The following SPIDR variants were observed in gnomAD, a reference collection of about 807,000 sequenced individuals.
SPIDR encodes the protein scaffold protein involved in DNA repair, also known as DNA repair-scaffolding protein.
A neutral mutation model predicts 104.6 loss-of-function variants in SPIDR; 93 were observed. That is an observed-to-expected ratio of 0.89 (90% confidence interval 0.75 to 1.06). The LOEUF (loss-of-function observed/expected upper bound fraction) is 1.06. SPIDR is among the 50% of genes least tolerant of loss of function. SPIDR has a pLI of 0.00. For missense variants in SPIDR, 1,154 were observed against 1,111.2 expected, an observed-to-expected ratio of 1.04 and a Z score of -0.55; for synonymous variants, 431 against 416.9, an observed-to-expected ratio of 1.03 and a Z score of -0.41.
intron 8 of SPIDR, among the ~76,000 whole-genome samples, chr8:47,485,238 C>T (rs1393449753): frequency 6.6e-6 from 1 of 152,136 alleles, no homozygotes; most frequent in African/African-American, 2.4e-5. Context: ...GCGCACGGAG[C>T]CTCGCTCATT....
intron 10 of SPIDR, among the ~76,000 whole-genome samples, chr8:47,644,272 TTAGG>T (rs1455087347): frequency 1.3e-5 from 2 of 152,136 alleles, no homozygotes; most frequent in African/African-American, 4.8e-5. Context: ...GCAGGAAGGG[TTAGG>T]TAGGACAGCC....
intron 1 of SPIDR, among the ~76,000 whole-genome samples, chr8:47,278,224 A>G (rs1165244845): frequency 6.6e-6 from 1 of 151,646 alleles, no homozygotes; most frequent in Admixed American, 6.6e-5. Flanking sequence ...CAGTGGCACA[A>G]TCAGTGATGC....
intron 10 of SPIDR, among the ~76,000 whole-genome samples, chr8:47,621,414 C>G (rs1309443524): frequency 6.6e-6 from 1 of 152,202 alleles, no homozygotes; most frequent in African/African-American, 2.4e-5. Flanking sequence ...TAGTCTCACC[C>G]TGCCTTGGCT....
At chr8:47,317,508 T>C (rs1044162501) in intron 5 of SPIDR, among the ~76,000 whole-genome samples, 1 of 152,066 alleles carries the variant, frequency 6.6e-6, no homozygotes, top group Non-Finnish European at 1.5e-5. Context: ...CCTGCCTCTG[T>C]AGACTCCACC....
chr8:47,546,961 T>G (rs536418955), intron 8 of SPIDR: 1 of 493,984 alleles, frequency 2.0e-6, no homozygotes. Flanking sequence ...TTGGCATCTT[T>G]CACGTGAACC....
chr8:47,466,727 C>A (rs2074846852), intron 8 of SPIDR, among the ~76,000 whole-genome samples: 1 of 148,492 alleles, frequency 6.7e-6, no homozygotes, highest in Non-Finnish European at 1.5e-5. Context: ...AAGTTAGATT[C>A]CAATTTAACA....
intron 8 of SPIDR, among the ~76,000 whole-genome samples, chr8:47,559,569 G>C (rs566815084): frequency 6.6e-6 from 1 of 152,292 alleles, no homozygotes; most frequent in African/African-American, 2.4e-5. Context: ...GTCTTTGTAG[G>C]GGTGATCCTG....
At chr8:47,559,060 T>C (rs919657049) in intron 8 of SPIDR, among the ~76,000 whole-genome samples, 2 of 152,202 alleles carry the variant, frequency 1.3e-5, no homozygotes, top group Admixed American at 1.3e-4. Context: ...TTAACATCCT[T>C]TGTGGTTGCT....
At chr8:47,442,603 A>G (rs781874153) in intron 8 of SPIDR, among the ~76,000 whole-genome samples, 4 of 152,234 alleles carry the variant, frequency 2.6e-5, no homozygotes, top group African/African-American at 4.8e-5. Flanking sequence ...CTCCTTCAGA[A>G]ATCTGTCCTC....
At chr8:47,278,113 T>TTA (rs1289331233) in intron 1 of SPIDR, among the ~76,000 whole-genome samples, 1 of 151,138 alleles carries the variant, frequency 6.6e-6, no homozygotes, top group Non-Finnish European at 1.5e-5. Context: ...TTTTTTTTTT[T>TTA]ATTAATAGCC....
chr8:47,355,202 C>T (rs2054285559), intron 5 of SPIDR, among the ~76,000 whole-genome samples: 1 of 150,860 alleles, frequency 6.6e-6, no homozygotes, highest in Non-Finnish European at 1.5e-5. Flanking sequence ...GTGGTCCACC[C>T]ACCTTGGCCT....
At chr8:47,549,818 T>G (rs959193630) in intron 8 of SPIDR, among the ~76,000 whole-genome samples, 6 of 152,224 alleles carry the variant, frequency 3.9e-5, no homozygotes, top group African/African-American at 1.2e-4. Flanking sequence ...GCTTTGGGTG[T>G]TTTAGTCATG....
intron 9 of SPIDR, among the ~76,000 whole-genome samples, chr8:47,596,921 A>T (rs2061686153): frequency 6.6e-6 from 1 of 152,168 alleles, no homozygotes; most frequent in South Asian, 2.1e-4. Context: ...GGTCAGGGCC[A>T]TCAATATCAC....
intron 8 of SPIDR, among the ~76,000 whole-genome samples, chr8:47,595,164 A>G (rs2061504167): frequency 6.6e-6 from 1 of 152,138 alleles, no homozygotes; most frequent in South Asian, 2.1e-4. Context: ...GTACTTAATT[A>G]GAGGAATAGG....
intron 16 of SPIDR, among the ~76,000 whole-genome samples, chr8:47,724,691 C>G (rs928015660): frequency 1.3e-5 from 2 of 152,148 alleles, no homozygotes; most frequent in Non-Finnish European, 2.9e-5. Context: ...TTAAAAGGAC[C>G]CTGAATATAT....
intron 5 of SPIDR, among the ~76,000 whole-genome samples, chr8:47,370,439 A>ATTTTTT (rs34220804): frequency 8.1e-5 from 8 of 99,076 alleles, no homozygotes; most frequent in East Asian, 3.0e-4. Flanking sequence ...AGAGGTCAAG[A>ATTTTTT]TTTTTTTTTT....
At chr8:47,512,737 G>C (rs1348969134) in intron 8 of SPIDR, among the ~76,000 whole-genome samples, 1 of 152,212 alleles carries the variant, frequency 6.6e-6, no homozygotes, top group Admixed American at 6.5e-5. Context: ...GAAAAAAAGA[G>C]AGGAGGAAAA....
intron 5 of SPIDR, among the ~76,000 whole-genome samples, chr8:47,320,422 C>G (rs1429756757): frequency 6.6e-6 from 1 of 152,166 alleles, no homozygotes; most frequent in Non-Finnish European, 1.5e-5. Context: ...TCTGAACGGA[C>G]CAATAACAGG....
chr8:47,668,044 A>T (rs2075234761), intron 10 of SPIDR, among the ~76,000 whole-genome samples: 1 of 152,218 alleles, frequency 6.6e-6, no homozygotes, highest in African/African-American at 2.4e-5. Context: ...ATCATTAGAG[A>T]TGTTGAGCTG....
Sources: gnomAD v4.1 joint callset for allele counts (sites outside exome capture counted in the v4.1 genomes callset) on GRCh38, gnomAD v4.1.1 for gene constraint, MANE v1.5 for transcripts, NCBI Gene and HGNC (gene_info 2026-07-23, HGNC 2026-07-21) for gene names.